The following ITPRID2 variants were observed in gnomAD, a reference collection of about 807,000 sequenced individuals.
ITPRID2 encodes protein ITPRID2.
In ITPRID2, 60 loss-of-function variants were observed where a neutral mutation model predicts 124.3. That is an observed-to-expected ratio of 0.48 (90% CI 0.39 to 0.60). The LOEUF (loss-of-function observed/expected upper bound fraction) is 0.60. ITPRID2 is among the 20% of genes least tolerant of loss of function. ITPRID2 has a pLI of 0.00. For synonymous variants in ITPRID2, 521 were observed against 542.9 expected, an observed-to-expected ratio of 0.96 and a Z score of 0.56; for missense variants, 1,553 against 1,512.2, an observed-to-expected ratio of 1.03 and a Z score of -0.45.
chr2:181,913,257 C>T (rs1237188309), intron 9 of ITPRID2, among the ~76,000 whole-genome samples: 1 of 151,948 alleles, frequency 6.6e-6, no homozygotes, highest in Non-Finnish European at 1.5e-5. Flanking sequence ...TTAGTACAGA[C>T]GGGCTTTTAC....
chr2:181,892,773 A>T lies in ITPRID2; in HGVS notation c.257+113A>T. 7.8e-7 allele frequency: 1 copy of T among 1,285,754 alleles called. No homozygotes were observed. 79.6% of individuals were successfully genotyped at this position (1,285,754 alleles called of 1,614,324 possible). On this transcript the variant is annotated intron_variant, in intron 2 of 17. Coordinates refer to ENST00000431877, the MANE Select transcript of ITPRID2 (RefSeq NM_001130445.3). This position sits in a 1 kb window ranked among gnomAD's most constrained non-coding sequence, Gnocchi z 5.2. ...GGTCCCGCGACCGTTGTAAGCTACAAACCGGAAAGTGAGCCGGCGGATAGC... is the reference window on the plus strand; with the variant it reads ...GGTCCCGCGACCGTTGTAAGCTACATACCGGAAAGTGAGCCGGCGGATAGC...
At chr2:181,913,132 A>G (rs907228362) in intron 9 of ITPRID2, among the ~76,000 whole-genome samples, 4 of 152,048 alleles carry the variant, frequency 2.6e-5, no homozygotes, top group Admixed American at 6.5e-5. Context: ...CAGTGGCACA[A>G]TCTTGGCTCA....
chr2:181,892,759 C>A lies in ITPRID2; in HGVS notation c.257+99C>A. 7.0e-7 allele frequency: 1 copy of A among 1,427,908 alleles called. No homozygotes were observed. The highest frequency in any genetic ancestry group is 9.8e-7 in the Non-Finnish European group (1 of 1,019,094). The allele number at this position is 1,427,908 out of a possible 1,614,324, so 88.5% of individuals were successfully genotyped here. On this transcript the variant is annotated intron_variant, in intron 2 of 17. Coordinates refer to ENST00000431877, the MANE Select transcript of ITPRID2 (RefSeq NM_001130445.3). This position sits in a 1 kb window ranked among gnomAD's most constrained non-coding sequence, Gnocchi z 5.2. ...GCCGCGTCCCTGTGGGTCCCGCGAC[C>A]GTTGTAAGCTACAAACCGGAAAGTG...
Position 181,910,106 on chromosome 2 carries a change from T to G in ITPRID2, c.1486+135T>G. The G allele has an allele frequency of 1.7e-6, 1 of 594,122 alleles. No homozygotes were observed. Among genetic ancestry groups the G allele is most frequent in the African/African-American group, 1.9e-5 (1 of 52,398 alleles). 36.8% of individuals were successfully genotyped at this position (594,122 alleles called of 1,614,324 possible). On this transcript the variant is annotated intron_variant, in intron 9 of 17. Coordinates refer to ENST00000431877, the MANE Select transcript of ITPRID2 (RefSeq NM_001130445.3). This position sits in a 1 kb window ranked among gnomAD's most constrained non-coding sequence, Gnocchi z 4.1. ...AAGAACACACACAGGTAGGCATGAT[T>G]CACTATTGTTTGTAGAACTTTTTTT...
intron 16 of ITPRID2, among the ~76,000 whole-genome samples, chr2:181,927,328 A>G (rs886395181): frequency 6.6e-6 from 1 of 152,206 alleles, no homozygotes; most frequent in African/African-American, 2.4e-5. Context: ...ATTTCAGGAA[A>G]TACACATTTA....
chr2:181,919,311 G>C lies in ITPRID2; in HGVS notation c.3009G>C (p.Gln1003His). The stretch of plus-strand genomic sequence containing the variant: ...ATACCAATAGGTTTGAAGTTGATCA[G>C]CTCCAGGGTTTGAGAAATTCAGTCC... ...MTEEERFEVD[Q>H]LQGLRNSVRM... Residue 1003 changes from glutamine to histidine, a missense_variant, in exon 14 of 18, where the codon CAG (glutamine) becomes CAC (histidine). Transcript: ENST00000431877. This position sits in a 1 kb window ranked among gnomAD's most constrained non-coding sequence, Gnocchi z 4.2. 1.2e-6 allele frequency: 2 copies of C among 1,614,084 alleles called. No homozygotes were observed. Among genetic ancestry groups the C allele is most frequent in the Non-Finnish European group, 8.5e-7 (1 of 1,180,030 alleles).
At position 181,905,417 on chromosome 2, in the gene ITPRID2, A is replaced by G. The variant is rs1693034243; in HGVS notation, c.1413+2951A>G. ...CTAATTATTCCAAATGACTTGCTTC[A>G]TTAATTCTTGTGTTCTTCTTGAATG... On this transcript the variant is annotated intron_variant, in intron 8 of 17. Coordinates refer to ENST00000431877, the MANE Select transcript of ITPRID2 (RefSeq NM_001130445.3). This position sits in a 1 kb window ranked among gnomAD's most constrained non-coding sequence, Gnocchi z 4.1. Among the ~76,000 whole-genome samples the G allele has an allele frequency of 6.6e-6, 1 of 152,180 alleles. No homozygotes were observed. Among genetic ancestry groups the G allele is most frequent in the African/African-American group, 2.4e-5 (1 of 41,440 alleles).
In ITPRID2 at chr2:181,930,297, G is replaced by C. The variant is rs961685829; in HGVS notation, c.*750G>C. On this transcript the variant is annotated 3_prime_UTR_variant, in exon 18 of 18. Transcript: ENST00000431877. Reference sequence around the variant, plus strand: ...GAGATGTTTCTTTTTCTGTCTTCTAGACTAAATAGAGTATCATCCAAATAA... The same window carrying C: ...GAGATGTTTCTTTTTCTGTCTTCTACACTAAATAGAGTATCATCCAAATAA... The C allele has an allele frequency of 1.3e-5, 2 of 152,408 alleles. No individual in the cohort carries two copies. The highest frequency in any genetic ancestry group is 2.9e-5 in the Non-Finnish European group (2 of 67,942). The allele number at this position is 152,408 out of a possible 1,614,324, so 9.4% of individuals were successfully genotyped here.
intron 16 of ITPRID2, among the ~76,000 whole-genome samples, chr2:181,925,694 C>T (rs1001700557): frequency 2.0e-5 from 3 of 152,206 alleles, no homozygotes; most frequent in Non-Finnish European, 2.9e-5. Flanking sequence ...AAGGAGCTCA[C>T]AGTACACCTT....
At chr2:181,928,475 C>G (rs1695027999) in intron 17 of ITPRID2, among the ~76,000 whole-genome samples, 197 bp downstream of exon 17, 1 of 152,102 alleles carries the variant, frequency 6.6e-6, no homozygotes, top group South Asian at 2.1e-4. Context: ...TACAAATCTC[C>G]AAGGAATTAC....
chr2:181,917,753 C>G (rs2125102609), intron 11 of ITPRID2: 1 of 152,324 alleles, frequency 6.6e-6, no homozygotes, highest in Non-Finnish European at 1.5e-5. Flanking sequence ...TCTTAGGTAT[C>G]TGCACATGGC....
chr2:181,908,924 A>G (rs1365680636), intron 8 of ITPRID2, among the ~76,000 whole-genome samples: 2 of 151,948 alleles, frequency 1.3e-5, no homozygotes, highest in Non-Finnish European at 2.9e-5. Context: ...GATGTTCTTT[A>G]TGATTTAAGA....
chr2:181,902,431 A>C lies in ITPRID2; in HGVS notation c.1378A>C (p.Met460Leu), dbSNP rs201652255. 5.0e-6 allele frequency: 8 copies of C among 1,601,104 alleles called. No individual in the cohort carries two copies. In the Admixed American group the frequency reaches 1.4e-4, roughly 28 times the overall value. The stretch of plus-strand genomic sequence containing the variant: ...GACAATACCATCCATAAGAAATATA[A>C]TGACACAGCAGAAGGACTCCTTCGA... ...PLTIPSIRNI[M>L]TQQKDSFEME... The change falls in exon 8 of 18, where the codon ATG becomes CTG. Residue 460 changes from methionine (M) to leucine (L), a missense_variant. Met to Leu is a conservative substitution (Grantham distance 15, BLOSUM62 2). Transcript: ENST00000431877. The surrounding 1 kb of genome is among the most constrained non-coding windows in gnomAD (Gnocchi z 4.4).
Position 181,892,029 on chromosome 2 carries a change from C to T in ITPRID2, c.-38C>T. 6.5e-7 allele frequency: 1 copy of T among 1,540,412 alleles called. No individual in the cohort carries two copies. Among genetic ancestry groups the T allele is most frequent in the Non-Finnish European group, 8.8e-7 (1 of 1,142,042 alleles). On this transcript the variant is annotated 5_prime_UTR_variant, in exon 1 of 18. Transcript: ENST00000431877. This position sits in a 1 kb window ranked among gnomAD's most constrained non-coding sequence, Gnocchi z 5.2. ...GTCCCTGCCGCCGCCTTGTCTCGCG[C>T]AGGGTCCGGCTGGGGTAGCGGAGCC...
At chr2:181,895,484 C>T (rs1185966708) in intron 2 of ITPRID2, among the ~76,000 whole-genome samples, 3 of 151,970 alleles carry the variant, frequency 2.0e-5, no homozygotes, top group African/African-American at 7.2e-5. Context: ...TCTACATTTA[C>T]ATAAAAAGAT....
Position 181,899,034 on chromosome 2 carries a change from A to T in ITPRID2, c.425A>T (p.Glu142Val). The T allele has an allele frequency of 6.2e-7, 1 of 1,611,512 alleles. No individual in the cohort carries two copies. Among genetic ancestry groups the T allele is most frequent in the Non-Finnish European group, 8.5e-7 (1 of 1,179,148 alleles). ...IENCNNILAKERRLQFHQKGR... is the reference protein window; with the variant it reads ...IENCNNILAKVRRLQFHQKGR... ...CGTAGCAATAATATCTTGGCCAAAGAGAGAAGATTACAGTTTCATCAGAAA... is the reference window on the plus strand; with the variant it reads ...CGTAGCAATAATATCTTGGCCAAAGTGAGAAGATTACAGTTTCATCAGAAA... The change falls in exon 6 of 18, where the codon GAG (glutamate) becomes GTG (valine). Residue 142 changes from glutamate (E) to valine (V), a missense_variant. Glu to Val is a moderately radical substitution (Grantham distance 121, BLOSUM62 -2). Coordinates refer to ENST00000431877, the MANE Select transcript of ITPRID2 (RefSeq NM_001130445.3).
intron 15 of ITPRID2, among the ~76,000 whole-genome samples, chr2:181,920,947 G>A (rs188988419): frequency 1.3e-5 from 2 of 150,960 alleles, no homozygotes; most frequent in Non-Finnish European, 3.0e-5. Flanking sequence ...TATTTAAATG[G>A]TTGAGGTGGA....
rs1559003880 is a variant in ITPRID2 at position 181,915,341 on chromosome 2, A to T, written c.1701A>T (p.Ser567=). 3 of 1,614,212 alleles carry T rather than the reference A, an allele frequency of 1.9e-6. No individual in the cohort carries two copies. In the South Asian group the frequency reaches 3.3e-5, roughly 18 times the overall value. The change falls in exon 11 of 18, where the codon TCA becomes TCT. Residue 567 remains serine, a synonymous_variant. Coordinates refer to ENST00000431877, the MANE Select transcript of ITPRID2 (RefSeq NM_001130445.3). ...AAGACCAGCCTTATTTTAATGAATC[A>T]GAGGAGGAGTCTCTTGTCCCTCTTC... is the stretch of plus-strand genomic sequence containing the variant. ...TAQDQPYFNE[S]EEESLVPLQK... is the part of the protein sequence containing the mutation.
chr2:181,904,845 A>G (rs1427808437), intron 8 of ITPRID2, among the ~76,000 whole-genome samples: 1 of 152,222 alleles, frequency 6.6e-6, no homozygotes, highest in Admixed American at 6.5e-5. Context: ...GGTAAGATCC[A>G]ACAGTCACCA....
Sources: allele counts gnomAD v4.1 joint callset (sites outside exome capture counted in the v4.1 genomes callset), GRCh38; gene constraint gnomAD v4.1.1; non-coding constraint Gnocchi (gnomAD v3.1); transcripts MANE v1.5; gene names NCBI Gene and HGNC (gene_info 2026-07-23, HGNC 2026-07-21).